PEX1: variants seen among roughly 807,000 people sequenced by gnomAD.
The protein encoded by PEX1 is peroxisomal biogenesis factor 1.
PEX1 carries 97 observed loss-of-function variants against 152.5 expected under a neutral mutation model. The ratio of observed to expected loss-of-function variants is 0.64; its 90% confidence interval spans 0.54 to 0.75. The LOEUF (loss-of-function observed/expected upper bound fraction) is 0.75, where lower values mean the gene tolerates loss of function less well. Among genes scored for constraint, PEX1 ranks in the 30% least tolerant of loss-of-function variants. PEX1 has a pLI of 0.00. For missense variants in PEX1, 1,357 were observed against 1,516.3 expected, an observed-to-expected ratio of 0.89 and a Z score of 1.74; for synonymous variants, 485 against 531.6, an observed-to-expected ratio of 0.91 and a Z score of 1.21.
intron 1 of PEX1, among the ~76,000 whole-genome samples, chr7:92,524,266 CT>C (rs912217791): frequency 0.021 from 2,900 of 136,296 alleles, 41 homozygotes; most frequent in Non-Finnish European, 0.03. Context: ...ATGTTTCTTG[CT>C]TTTTTTTTTT....
In PEX1 at chr7:92,489,708, C is replaced by T. The variant is rs1030880599; in HGVS notation, c.3636+6G>A. ...AACAATTATAATGAGGGGGAAAAAG[C>T]CATACTCCACTTTGGCTCCGGTATC... is the stretch of plus-strand genomic sequence containing the variant. On this transcript the variant is annotated splice_donor_region_variant and intron_variant, in intron 22 of 23. Coordinates refer to ENST00000248633, the MANE Select transcript of PEX1 (RefSeq NM_000466.3). 1 of 1,610,490 alleles carries T rather than the reference C, an allele frequency of 6.2e-7. No individual in the cohort carries two copies. Among genetic ancestry groups the T allele is most frequent in the Non-Finnish European group, 8.5e-7 (1 of 1,176,734 alleles).
At chr7:92,505,343 G>A (rs928245804) in intron 11 of PEX1, among the ~76,000 whole-genome samples, 1 of 150,728 alleles carries the variant, frequency 6.6e-6, no homozygotes, top group Non-Finnish European at 1.5e-5. Context: ...AACCTGGGAG[G>A]TGGAGGCTAT....
intron 12 of PEX1, among the ~76,000 whole-genome samples, 158 bp downstream of exon 12, chr7:92,504,574 C>A (rs1158107637): frequency 6.6e-6 from 1 of 152,176 alleles, no homozygotes; most frequent in Non-Finnish European, 1.5e-5. Context: ...TTTGCTATTA[C>A]AGTCTATAGG....
intron 1 of PEX1, among the ~76,000 whole-genome samples, chr7:92,522,522 C>T (rs1271790399): frequency 6.6e-6 from 1 of 152,132 alleles, no homozygotes; most frequent in African/African-American, 2.4e-5. Context: ...AGTCAATAAA[C>T]TTAAATAGCA....
At chr7:92,510,338 C>A (rs777197635) in intron 8 of PEX1, among the ~76,000 whole-genome samples, 1 of 151,660 alleles carries the variant, frequency 6.6e-6, no homozygotes, top group African/African-American at 2.4e-5. Flanking sequence ...TCATGGCATT[C>A]GCCTGTGGTC....
Position 92,491,181 on chromosome 7 carries a change from G to A in PEX1, c.3438+91C>T, listed in dbSNP as rs184684977. On this transcript the variant is annotated intron_variant, in intron 21 of 23. Transcript: ENST00000248633. ...AGAACCAACCAACCAGGAAGAATAT[G>A]TGGGGCTGGTTAGGAGAGAAATCAC... The A allele has an allele frequency of 3.3e-4, 280 of 855,266 alleles. 1 individual carries two copies. The African/African-American group carries it at 3.9e-3, about 12-fold the overall frequency. 53.0% of individuals were successfully genotyped at this position (855,266 alleles called of 1,614,324 possible). A position where few individuals can be genotyped will look rare whatever the true frequency, so the allele number is the denominator to read the frequency against.
chr7:92,511,142 T>G, intron 7 of PEX1, 95 bp from the exon 8 acceptor site: 1 of 167,576 alleles, frequency 6.0e-6, no homozygotes, highest in Non-Finnish European at 1.1e-5. Context: ...AGTTAAAGAC[T>G]TTTTTTTTTT....
At chr7:92,493,833 C>G (rs897769922) in intron 19 of PEX1, 1 of 191,406 alleles carries the variant, frequency 5.2e-6, no homozygotes, top group African/African-American at 2.4e-5. Context: ...TCTATCTGTT[C>G]TTTCATTCAT....
In PEX1 at chr7:92,488,727, A is replaced by G. The variant is rs139340867; in HGVS notation, c.3767+566T>C. On this transcript the variant is annotated intron_variant, in intron 23 of 23. Transcript: ENST00000248633. ...TCCTTCTTATTTCTTCGAAGTTACT[A>G]AATTTTTTTTTTTTTTTTTTGAGAC... Among the ~76,000 whole-genome samples, 225 of 151,576 alleles carry G rather than the reference A, an allele frequency of 1.5e-3. 1 individual carries two copies. The highest frequency in any genetic ancestry group is 5.0e-3 in the African/African-American group (207 of 41,348).
In PEX1 at chr7:92,507,130, T is replaced by TA. The variant is rs1792230930; in HGVS notation, c.1671-5dup. 3.7e-6 allele frequency: 6 copies of TA among 1,612,694 alleles called. No homozygotes were observed. The highest frequency in any genetic ancestry group is 4.2e-6 in the Non-Finnish European group (5 of 1,178,802). The stretch of plus-strand genomic sequence containing the variant: ...TACGCCTAAGGAATTCACTCCTCTG[T>TA]AAAAAATATACATAGTTACATGATA... On this transcript the variant is annotated splice_polypyrimidine_tract_variant and splice_region_variant and intron_variant, in intron 9 of 23. Transcript: ENST00000248633.
chr7:92,519,975 A>T (rs1792980125), intron 2 of PEX1, among the ~76,000 whole-genome samples: 1 of 152,144 alleles, frequency 6.6e-6, no homozygotes, highest in South Asian at 2.1e-4. Context: ...CAGACTCCTC[A>T]GTAGATTTCT....
At chr7:92,499,126 G>A (rs1791798805) in intron 16 of PEX1, among the ~76,000 whole-genome samples, 1 of 152,212 alleles carries the variant, frequency 6.6e-6, no homozygotes, top group Non-Finnish European at 1.5e-5. Flanking sequence ...CTGCTAGTGG[G>A]AATGGTGCAG....
At chr7:92,511,120 C>A in intron 7 of PEX1, 73 bp from the exon 8 acceptor site, 9 of 780,924 alleles carry the variant, frequency 1.2e-5, no homozygotes, top group Admixed American at 2.3e-5. Context: ...TTTTAAATGT[C>A]AAATTTATTT....
At chr7:92,494,670 C>T (rs769058230) in intron 17 of PEX1, 41 bp from the exon 18 acceptor site, 1 of 1,594,824 alleles carries the variant, frequency 6.3e-7, no homozygotes, top group South Asian at 1.1e-5. Flanking sequence ...AATCAGGCTT[C>T]ATAGTTGGCA....
intron 20 of PEX1, 103 bp downstream of exon 20, chr7:92,492,850 A>G: frequency 2.3e-6 from 2 of 882,962 alleles, no homozygotes; most frequent in Non-Finnish European, 1.9e-6. Context: ...ATACAGTTTT[A>G]CCAAAGTTGT....
chr7:92,504,859 G>C lies in PEX1; in HGVS notation c.1944C>G (p.Phe648Leu). The C allele has an allele frequency of 6.2e-7, 1 of 1,613,998 alleles. No homozygotes were observed. Among genetic ancestry groups the C allele is most frequent in the Non-Finnish European group, 8.5e-7 (1 of 1,179,886 alleles). ...ENIQKTLEVA[F>L]SEAVWMQPSV... ...ATGGCTGCATCCACACTGCCTCTGA[G>C]AAAGCCACCTCTAGGGTTTTTTGTA... The change falls in exon 12 of 24, where the codon TTC becomes TTG. Residue 648 changes from phenylalanine to leucine, a missense_variant. By Grantham distance (22) the Phe-to-Leu change is conservative. Transcript: ENST00000248633.
intron 15 of PEX1, 112 bp from the exon 16 acceptor site, chr7:92,499,950 A>G (rs1327253889): frequency 1.3e-6 from 1 of 788,712 alleles, no homozygotes; most frequent in African/African-American, 1.7e-5. Flanking sequence ...AATCACGACC[A>G]TCTTTCTTTA....
chr7:92,498,377 C>T (rs189650336), intron 16 of PEX1, among the ~76,000 whole-genome samples: 9 of 151,820 alleles, frequency 5.9e-5, no homozygotes, highest in Admixed American at 3.3e-4. Context: ...CCCAGCTACT[C>T]GGGAGGCTGA....
At chr7:92,521,889 A>G (rs1793065421) in intron 2 of PEX1, among the ~76,000 whole-genome samples, 1 of 152,244 alleles carries the variant, frequency 6.6e-6, no homozygotes. Context: ...GTTAAATAGT[A>G]GAATAAGAAG....
Sources: allele counts gnomAD v4.1 joint callset (sites outside exome capture counted in the v4.1 genomes callset), GRCh38; gene constraint gnomAD v4.1.1; transcripts MANE v1.5; gene names NCBI Gene and HGNC (gene_info 2026-07-23, HGNC 2026-07-21).